The following TGFBR1 variants were observed in gnomAD, a reference collection of about 807,000 sequenced individuals.
TGFBR1 encodes TGF-beta receptor type-1.
TGFBR1 carries 20 observed loss-of-function variants against 55.1 expected under a neutral mutation model. The ratio of observed to expected loss-of-function variants is 0.36; its 90% confidence interval spans 0.26 to 0.53. TGFBR1 has a LOEUF of 0.53. Ranked by LOEUF, TGFBR1 falls within the 20% of genes least tolerant of loss-of-function variation. The pLI is 0.91. For synonymous variants in TGFBR1, 220 were observed against 214.8 expected, an observed-to-expected ratio of 1.02 and a Z score of -0.21; for missense variants, 385 against 617.6, an observed-to-expected ratio of 0.62 and a Z score of 3.99.
At chr9:99,107,883 G>A (rs982634580) in intron 1 of TGFBR1, among the ~76,000 whole-genome samples, 34 of 152,094 alleles carry the variant, frequency 2.2e-4, no homozygotes, top group African/African-American at 8.2e-4. Context: ...TTGGGAGTGC[G>A]AGAAGTTCTC....
In TGFBR1 at chr9:99,147,508, G is replaced by A. The variant is rs976367300; in HGVS notation, c.1256-146G>A. On this transcript the variant is annotated intron_variant, in intron 7 of 8. Coordinates refer to ENST00000374994, the MANE Select transcript of TGFBR1 (RefSeq NM_004612.4). ...GGAAGTGGCTTGTGGATACAGATGT[G>A]GATGAGATAGAGAAAGCTGTAATCT... is the stretch of plus-strand genomic sequence containing the variant. 2.3e-5 allele frequency: 17 copies of A among 744,218 alleles called. No individual in the cohort carries two copies. The Admixed American group carries it at 3.7e-4, about 16-fold the overall frequency. 46.1% of individuals were successfully genotyped at this position (744,218 alleles called of 1,614,324 possible).
chr9:99,109,752 T>A (rs935502359), intron 1 of TGFBR1, among the ~76,000 whole-genome samples: 2 of 152,204 alleles, frequency 1.3e-5, no homozygotes, highest in Non-Finnish European at 2.9e-5. Flanking sequence ...TGGTTTGATA[T>A]CATGTGATTG....
At chr9:99,139,565 G>A (rs1042477334) in intron 4 of TGFBR1, among the ~76,000 whole-genome samples, 1 of 152,112 alleles carries the variant, frequency 6.6e-6, no homozygotes, top group Non-Finnish European at 1.5e-5. Flanking sequence ...TGTGTTATTT[G>A]AAGCTGGTCC....
chr9:99,151,397 G>GT lies in TGFBR1; in HGVS notation c.*2105dup, dbSNP rs200529894. On this transcript the variant is annotated 3_prime_UTR_variant, in exon 9 of 9. Transcript: ENST00000374994. ...CTTTTTTTGTGGGGGTTTTTTTTTT[G>GT]TTTTTTTTTTTTTGTTGTTGTTTTT... The GT allele has an allele frequency of 0.039, 6,092 of 156,702 alleles. 7 individuals are homozygous for GT. The highest frequency in any genetic ancestry group is 0.067 in the Middle Eastern group (34 of 506). 9.7% of individuals were successfully genotyped at this position (156,702 alleles called of 1,614,324 possible). A position where few individuals can be genotyped will look rare whatever the true frequency, so the allele number is the denominator to read the frequency against.
intron 7 of TGFBR1, 125 bp downstream of exon 7, chr9:99,146,734 C>T: frequency 4.1e-6 from 6 of 1,459,104 alleles, no homozygotes; most frequent in Non-Finnish European, 5.7e-6. Context: ...CACCGAGTGC[C>T]AGAGAAAACA....
In TGFBR1 at chr9:99,112,935, CTCTCTG is replaced by C. The variant is rs550403270; in HGVS notation, c.97+7637_97+7642del. 5.4e-3 allele frequency among the ~76,000 whole-genome samples: 816 copies of C among 152,216 alleles called. 2 individuals are homozygous for C. The highest frequency in any genetic ancestry group is 8.4e-3 in the Non-Finnish European group (573 of 68,016). ...CATTCACCTCATATTCTCTCTCTCT[CTCTCTG>C]TCTTTCTCTTTTGGGGGTAGGAGGA... On this transcript the variant is annotated intron_variant, in intron 1 of 8. Coordinates refer to ENST00000374994, the MANE Select transcript of TGFBR1 (RefSeq NM_004612.4).
chr9:99,141,518 C>T lies in TGFBR1; in HGVS notation c.806-1018C>T, dbSNP rs549275415. On this transcript the variant is annotated intron_variant, in intron 4 of 8. Transcript: ENST00000374994. Reference sequence around the variant, plus strand: ...TTCTTACCTAAAGAATCTAGCATTCCGTTTTTTAAATCTTAACAGTCTTAC... The same window carrying T: ...TTCTTACCTAAAGAATCTAGCATTCTGTTTTTTAAATCTTAACAGTCTTAC... Among the ~76,000 whole-genome samples, 25 of 152,226 alleles carry T rather than the reference C, an allele frequency of 1.6e-4. No individual in the cohort carries two copies. The South Asian group carries it at 4.4e-3, about 27-fold the overall frequency.
In TGFBR1 at chr9:99,105,281, G is replaced by T; in HGVS notation, c.76G>T (p.Ala26Ser). 1.0e-6 allele frequency: 1 copy of T among 1,003,648 alleles called. No homozygotes were observed. The highest frequency in any genetic ancestry group is 1.2e-6 in the Non-Finnish European group (1 of 843,964). The allele number at this position is 1,003,648 out of a possible 1,614,324, so 62.2% of individuals were successfully genotyped here. A position where few individuals can be genotyped will look rare whatever the true frequency, so the allele number is the denominator to read the frequency against. ...GGCGGCGGCGGCGGCGGCGGCGGCG[G>T]CGCTGCTCCCGGGGGCGACGGGTGA... Reference protein sequence around the residue: ...VLAAAAAAAAALLPGATALQC... With the variant: ...VLAAAAAAAASLLPGATALQC... Residue 26 changes from alanine (A) to serine (S), a missense_variant, in exon 1 of 9, where the codon GCG becomes TCG. Ala to Ser is a moderately conservative substitution (Grantham distance 99). Transcript: ENST00000374994.
chr9:99,142,851 G>C (rs1363483198), intron 5 of TGFBR1, 148 bp downstream of exon 5: 1 of 850,620 alleles, frequency 1.2e-6, no homozygotes, highest in African/African-American at 1.7e-5. Flanking sequence ...CCGATCTCAG[G>C]AGTTCATGGC....
In TGFBR1 at chr9:99,132,649, G is replaced by A; in HGVS notation, c.484G>A (p.Glu162Lys). The A allele has an allele frequency of 6.2e-7, 1 of 1,614,124 alleles. No homozygotes were observed. The highest frequency in any genetic ancestry group is 8.5e-7 in the Non-Finnish European group (1 of 1,180,008). ...TVIHHRVPNE[E>K]DPSLDRPFIS... Reference sequence around the variant, plus strand: ...CATTCACCATCGAGTGCCAAATGAAGAGGACCCTTCATTAGATCGCCCTTT... The same window carrying A: ...CATTCACCATCGAGTGCCAAATGAAAAGGACCCTTCATTAGATCGCCCTTT... The change falls in exon 3 of 9, where the codon GAG (glutamate) becomes AAG (lysine). Residue 162 changes from glutamate (E) to lysine (K), a missense_variant. By Grantham distance (56) the Glu-to-Lys change is moderately conservative. Coordinates refer to ENST00000374994, the MANE Select transcript of TGFBR1 (RefSeq NM_004612.4).
intron 1 of TGFBR1, among the ~76,000 whole-genome samples, chr9:99,117,564 A>T (rs1475004795): frequency 6.6e-6 from 1 of 152,142 alleles, no homozygotes; most frequent in African/African-American, 2.4e-5. Flanking sequence ...ATTATTTTTA[A>T]AATACGGATA....
chr9:99,124,144 T>C (rs11466457), intron 1 of TGFBR1, among the ~76,000 whole-genome samples: 1,831 of 152,276 alleles, frequency 0.012, 38 homozygotes, highest in African/African-American at 0.042. Context: ...ATTCTCCAAG[T>C]TCTGACTTGA....
intron 1 of TGFBR1, among the ~76,000 whole-genome samples, chr9:99,108,871 G>A (rs1826487324): frequency 6.6e-6 from 1 of 152,164 alleles, no homozygotes; most frequent in Non-Finnish European, 1.5e-5. Flanking sequence ...TAACATTATG[G>A]GATGCCCAGT....
intron 1 of TGFBR1, among the ~76,000 whole-genome samples, chr9:99,113,778 T>C (rs998198130): frequency 1.3e-5 from 2 of 152,194 alleles, no homozygotes; most frequent in Non-Finnish European, 2.9e-5. Flanking sequence ...AATTAATTGG[T>C]AGACTGAAAG....
chr9:99,125,506 G>A (rs1827014556), intron 1 of TGFBR1, among the ~76,000 whole-genome samples: 1 of 152,172 alleles, frequency 6.6e-6, no homozygotes, highest in African/African-American at 2.4e-5. Flanking sequence ...ATATAATAAA[G>A]TACATATATG....
intron 3 of TGFBR1, among the ~76,000 whole-genome samples, chr9:99,134,802 T>TTATATATATATATA (rs10625219): frequency 8.0e-4 from 33 of 41,356 alleles, no homozygotes; most frequent in Non-Finnish European, 9.7e-4. Flanking sequence ...TCTGTTTCCA[T>TTATATATATATATA]TATATATATA....
Position 99,122,723 on chromosome 9 carries a change from A to G in TGFBR1, c.98-6132A>G, listed in dbSNP as rs1826930973. ...AATTGTATTTCCTGGCATGGTTCTG[A>G]TATAATTTTCTGTGTACACAGTAGC... On this transcript the variant is annotated intron_variant, in intron 1 of 8. Transcript: ENST00000374994. 1.3e-5 allele frequency among the ~76,000 whole-genome samples: 2 copies of G among 152,154 alleles called. 1 individual carries two copies. Among genetic ancestry groups the G allele is most frequent in the African/African-American group, 4.8e-5 (2 of 41,448 alleles).
intron 1 of TGFBR1, among the ~76,000 whole-genome samples, chr9:99,123,944 A>T (rs1349250813): frequency 1.3e-5 from 2 of 152,204 alleles, no homozygotes; most frequent in Non-Finnish European, 2.9e-5. Context: ...AGCTCAGATG[A>T]TGAAATAGGT....
chr9:99,151,911 C>A lies in TGFBR1; in HGVS notation c.*2606C>A, dbSNP rs1215955125. On this transcript the variant is annotated 3_prime_UTR_variant, in exon 9 of 9. Transcript: ENST00000374994. ...TATACTGCCCATCCTAGGATGCTCA[C>A]CTTCCAAGATTCAACGTGGCTAAAA... 1 of 203,190 alleles carries A rather than the reference C, an allele frequency of 4.9e-6. No homozygotes were observed. The highest frequency in any genetic ancestry group is 1.0e-5 in the Non-Finnish European group (1 of 98,946). The allele number at this position is 203,190 out of a possible 1,614,324, so 12.6% of individuals were successfully genotyped here. A position where few individuals can be genotyped will look rare whatever the true frequency, so the allele number is the denominator to read the frequency against.
Sources: allele counts gnomAD v4.1 joint callset (sites outside exome capture counted in the v4.1 genomes callset), GRCh38; gene constraint gnomAD v4.1.1; transcripts MANE v1.5; gene names NCBI Gene and HGNC (gene_info 2026-07-23, HGNC 2026-07-21).